The following HM13 variants were observed in gnomAD, a reference collection of about 807,000 sequenced individuals.
HM13 encodes signal peptide peptidase.
In HM13, 18 loss-of-function variants were observed where a neutral mutation model predicts 50.0. That is an observed-to-expected ratio of 0.36 (90% CI 0.25 to 0.53). The LOEUF (loss-of-function observed/expected upper bound fraction) is 0.53, where lower values mean the gene tolerates loss of function less well. Among genes scored for constraint, HM13 ranks in the 20% least tolerant of loss-of-function variants. The pLI is 0.90. For missense variants in HM13, 393 were observed against 552.4 expected (o/e 0.71, Z 2.89); for synonymous variants, 197 against 232.6 (o/e 0.85, Z 1.39).
chr20:31,538,092 A>C, intron 2 of HM13, 87 bp from the exon 3 acceptor site: 1 of 1,530,628 alleles, frequency 6.5e-7, no homozygotes, highest in Non-Finnish European at 8.9e-7. Context: ...GGGTGAGACC[A>C]ACCTCCAGAA....
At chr20:31,515,164 C>T (rs146893232) in intron 1 of HM13, among the ~76,000 whole-genome samples, 82 of 152,286 alleles carry the variant, frequency 5.4e-4, no homozygotes, top group African/African-American at 2.0e-3. Flanking sequence ...GTGTCATTCC[C>T]TGTTAGGAAC....
chr20:31,556,395 G>A (rs568697745), intron 8 of HM13, among the ~76,000 whole-genome samples: 2 of 152,210 alleles, frequency 1.3e-5, no homozygotes, highest in East Asian at 3.9e-4. Context: ...CAGATTAAAG[G>A]CTGACTTACT....
intron 8 of HM13, among the ~76,000 whole-genome samples, chr20:31,558,268 G>A (rs1040548774): frequency 6.6e-6 from 1 of 152,152 alleles, no homozygotes; most frequent in African/African-American, 2.4e-5. Flanking sequence ...CTCCTGTGGA[G>A]CCTTCAAATA....
intron 8 of HM13, among the ~76,000 whole-genome samples, chr20:31,555,095 C>T (rs745907032): frequency 1.3e-5 from 2 of 152,192 alleles, no homozygotes; most frequent in Non-Finnish European, 2.9e-5. Flanking sequence ...AGATGTTGCT[C>T]AAGAACTACA....
intron 3 of HM13, chr20:31,539,711 A>T (rs986482168): frequency 6.3e-6 from 1 of 159,074 alleles, no homozygotes; most frequent in African/African-American, 2.4e-5. Flanking sequence ...TAGGAGAATC[A>T]TTGAACCTGG....
intron 4 of HM13, among the ~76,000 whole-genome samples, chr20:31,545,238 GT>G (rs2122610604): frequency 6.6e-6 from 1 of 152,228 alleles, no homozygotes; most frequent in African/African-American, 2.4e-5. Context: ...AGCATTGGGT[GT>G]TTTTGTTTTT....
chr20:31,542,164 T>C (rs984176568), intron 3 of HM13, among the ~76,000 whole-genome samples: 4 of 152,212 alleles, frequency 2.6e-5, no homozygotes, highest in African/African-American at 9.6e-5. Flanking sequence ...CTAGCCCACA[T>C]TAAGCCTCTT....
intron 2 of HM13, 112 bp from the exon 3 acceptor site, chr20:31,538,067 C>A: frequency 8.2e-7 from 1 of 1,219,398 alleles, no homozygotes; most frequent in Non-Finnish European, 1.2e-6. Flanking sequence ...TCCTGACTGT[C>A]CCCCGACTCA....
intron 8 of HM13, among the ~76,000 whole-genome samples, chr20:31,556,449 T>C (rs925229710): frequency 9.2e-5 from 14 of 152,220 alleles, no homozygotes; most frequent in African/African-American, 2.2e-4. Flanking sequence ...CCTAGGGTGA[T>C]ACAGGCACTT....
chr20:31,539,141 T>C, intron 3 of HM13: 12 of 985,226 alleles, frequency 1.2e-5, no homozygotes, highest in Non-Finnish European at 1.4e-5. Flanking sequence ...TTAGAGGGGG[T>C]TGCTACTTTT....
chr20:31,514,626 G>A lies in HM13; in HGVS notation c.75G>A (p.Pro25=), dbSNP rs373138836. ...GCCCCACCAACAGCACTACGCGGCC[G>A]CCTTCCACGCCCGAGGGCATCGCGC... The part of the protein sequence containing the change: ...AGGPTNSTTR[P]PSTPEGIALA... The change falls in exon 1 of 13, where the codon CCG becomes CCA. Residue 25 remains proline, a synonymous_variant. Coordinates refer to ENST00000398174, the MANE Select transcript of HM13 (RefSeq NM_178581.3). This position sits in a 1 kb window ranked among gnomAD's most constrained non-coding sequence, Gnocchi z 4.3. 6.3e-7 allele frequency: 1 copy of A among 1,586,582 alleles called. No homozygotes were observed. The highest frequency in any genetic ancestry group is 8.6e-7 in the Non-Finnish European group (1 of 1,168,302).
intron 1 of HM13, among the ~76,000 whole-genome samples, chr20:31,526,307 C>A (rs188050797): frequency 4.6e-5 from 7 of 151,856 alleles, no homozygotes; most frequent in Admixed American, 4.6e-4. Flanking sequence ...TATAGGTGCC[C>A]GCCACTGCGC....
rs111486322 is a variant in HM13, at chr20:31,521,106, A to T, written c.183+6372A>T. Among the ~76,000 whole-genome samples the T allele has an allele frequency of 4.6e-3, 697 of 152,338 alleles. 9 individuals are homozygous for T. Among genetic ancestry groups the T allele is most frequent in the African/African-American group, 0.016 (656 of 41,584 alleles). On this transcript the variant is annotated intron_variant, in intron 1 of 12. Transcript: ENST00000398174. ...TGTATTTACATACACAAATCTGGTT[A>T]AAAAATCGCAATTGGATTGGTAAAG...
In HM13 at chr20:31,514,600, G is replaced by A. The variant is rs752350092; in HGVS notation, c.49G>A (p.Gly17Ser). ...GCATAACGGCAGTGCCGAGGCAGGC[G>A]GCCCCACCAACAGCACTACGCGGCC... ...DPHNGSAEAG[G>S]PTNSTTRPPS... Residue 17 changes from glycine (G) to serine (S), a missense_variant, in exon 1 of 13, where the codon GGC (glycine) becomes AGC (serine). Transcript: ENST00000398174. The surrounding 1 kb of genome is among the most constrained non-coding windows in gnomAD (Gnocchi z 4.3). The A allele has an allele frequency of 1.2e-6, 2 of 1,601,866 alleles. No individual in the cohort carries two copies. Among genetic ancestry groups the A allele is most frequent in the East Asian group, 2.3e-5 (1 of 44,386 alleles).
intron 1 of HM13, among the ~76,000 whole-genome samples, chr20:31,521,172 T>C (rs531365081): frequency 6.6e-6 from 1 of 152,372 alleles, no homozygotes; most frequent in Admixed American, 6.5e-5. Flanking sequence ...CTACAAAGAT[T>C]AGCTGTTCAG....
intron 2 of HM13, among the ~76,000 whole-genome samples, chr20:31,532,751 G>A (rs991290738): frequency 2.7e-4 from 41 of 152,218 alleles, no homozygotes; most frequent in African/African-American, 9.1e-4. Context: ...AGATCTCTCC[G>A]TGGCTCTGTG....
At chr20:31,523,633 T>C (rs1023315180) in intron 1 of HM13, among the ~76,000 whole-genome samples, 5 of 152,220 alleles carry the variant, frequency 3.3e-5, no homozygotes, top group Admixed American at 1.3e-4. Flanking sequence ...AGTATTAACC[T>C]ACCTGCCTGT....
intron 4 of HM13, 88 bp downstream of exon 4, chr20:31,545,123 T>G (rs1226417380): frequency 1.0e-6 from 1 of 997,164 alleles, no homozygotes; most frequent in African/African-American, 1.6e-5. Context: ...GGTTCTCCAA[T>G]AGAGCAACTG....
At chr20:31,518,263 G>A (rs1390204766) in intron 1 of HM13, among the ~76,000 whole-genome samples, 5 of 151,284 alleles carry the variant, frequency 3.3e-5, no homozygotes, top group South Asian at 2.1e-4. Context: ...TCAAACTCCC[G>A]ACCTCAGGTG....
Sources: allele counts gnomAD v4.1 joint callset (sites outside exome capture counted in the v4.1 genomes callset), GRCh38; gene constraint gnomAD v4.1.1; non-coding constraint Gnocchi (gnomAD v3.1); transcripts MANE v1.5; gene names NCBI Gene and HGNC (gene_info 2026-07-23, HGNC 2026-07-21).